The following DSCAML1 variants were observed in gnomAD, a reference collection of about 807,000 sequenced individuals.
DSCAML1 encodes the protein DS cell adhesion molecule like 1.
In DSCAML1, 38 loss-of-function variants were observed where a neutral mutation model predicts 200.5. The ratio of observed to expected loss-of-function variants is 0.19; its 90% CI spans 0.15 to 0.25. DSCAML1 has a LOEUF of 0.25. DSCAML1 is among the 10% of genes least tolerant of loss of function. DSCAML1 has a pLI of 1.00. For synonymous variants in DSCAML1, 1,215 were observed against 1,165.0 expected (o/e 1.04, Z -0.87); for missense variants, 2,223 against 2,858.8 (o/e 0.78, Z 5.07).
chr11:117,706,393 C>T (rs1454867510), intron 3 of DSCAML1, among the ~76,000 whole-genome samples: 2 of 152,204 alleles, frequency 1.3e-5, no homozygotes, highest in Non-Finnish European at 2.9e-5. Flanking sequence ...TCACTTCTAA[C>T]TTTCCCATGA....
chr11:117,440,006 G>A (rs575829445), intron 21 of DSCAML1, 70 bp from the exon 22 acceptor site: 9 of 1,361,878 alleles, frequency 6.6e-6, no homozygotes, highest in South Asian at 4.8e-5. Flanking sequence ...CCTTCCTTAG[G>A]GCCCCCTGGA....
chr11:117,620,817 G>A (rs2051913182), intron 3 of DSCAML1, among the ~76,000 whole-genome samples: 1 of 152,144 alleles, frequency 6.6e-6, no homozygotes, highest in Non-Finnish European at 1.5e-5. Context: ...GTGTGACCTT[G>A]GGCAAGTTAC....
intron 3 of DSCAML1, among the ~76,000 whole-genome samples, chr11:117,632,747 G>A (rs1441567725): frequency 6.6e-6 from 1 of 152,124 alleles, no homozygotes; most frequent in Non-Finnish European, 1.5e-5. Context: ...GCCCTGGAAG[G>A]GCTTTGATTT....
At chr11:117,588,468 A>G (rs2051193463) in intron 3 of DSCAML1, among the ~76,000 whole-genome samples, 1 of 152,220 alleles carries the variant, frequency 6.6e-6, no homozygotes, top group African/African-American at 2.4e-5. Context: ...AAACAAAGCC[A>G]TGTTGACAAA....
At position 117,438,000 on chromosome 11, in the gene DSCAML1, C is replaced by A; in HGVS notation, c.4327G>T (p.Asp1443Tyr). The change falls in exon 25 of 33, where the codon GAC becomes TAC. Residue 1443 changes from aspartate (D) to tyrosine (Y), a missense_variant. By Grantham distance (160) the Asp-to-Tyr change is radical. Coordinates refer to ENST00000651296, the MANE Select transcript of DSCAML1 (RefSeq NM_020693.4). This position sits in a 1 kb window ranked among gnomAD's most constrained non-coding sequence, Gnocchi z 5.3. ...ISSSERSFKL[D>Y]SLKCGTWYKV... Reference sequence around the variant, plus strand: ...TACCACGTGCCACACTTGAGGCTGTCCAGCTTGAAGGAGCGCTCGCTGGAG... The same window carrying A: ...TACCACGTGCCACACTTGAGGCTGTACAGCTTGAAGGAGCGCTCGCTGGAG... The A allele has an allele frequency of 6.2e-7, 1 of 1,614,152 alleles. No homozygotes were observed. The highest frequency in any genetic ancestry group is 1.7e-4 in the Middle Eastern group (1 of 6,058).
intron 16 of DSCAML1, among the ~76,000 whole-genome samples, chr11:117,468,373 A>G (rs148685501): frequency 2.0e-5 from 3 of 152,312 alleles, no homozygotes; most frequent in African/African-American, 7.2e-5. Context: ...CTGAAGTTCT[A>G]ACTTTCTAAT....
At chr11:117,566,377 T>C (rs2050757580) in intron 3 of DSCAML1, among the ~76,000 whole-genome samples, 2 of 148,382 alleles carry the variant, frequency 1.3e-5, no homozygotes, top group Non-Finnish European at 3.0e-5. Flanking sequence ...TTCTAGGGCC[T>C]TGCTCTGTTA....
intron 3 of DSCAML1, among the ~76,000 whole-genome samples, chr11:117,768,279 C>T (rs1452779259): frequency 1.3e-5 from 2 of 152,198 alleles, no homozygotes; most frequent in East Asian, 1.9e-4. Context: ...ATTAATACTA[C>T]ATCCTAGGCA....
chr11:117,512,586 G>T (rs1467974276), intron 8 of DSCAML1, among the ~76,000 whole-genome samples: 1 of 151,848 alleles, frequency 6.6e-6, no homozygotes, highest in African/African-American at 2.4e-5. Flanking sequence ...CTGGATTTCT[G>T]GGATTTTTTC....
Position 117,516,857 on chromosome 11 carries a change from G to C in DSCAML1, c.1511-118C>G. The C allele has an allele frequency of 7.8e-7, 1 of 1,279,720 alleles. No homozygotes were observed. The highest frequency in any genetic ancestry group is 1.1e-6 in the Non-Finnish European group (1 of 946,686). 79.3% of individuals were successfully genotyped at this position (1,279,720 alleles called of 1,614,324 possible). On this transcript the variant is annotated intron_variant, in intron 7 of 32. Transcript: ENST00000651296. The surrounding 1 kb of genome is among the most constrained non-coding windows in gnomAD (Gnocchi z 5.7). ...CAGGCACTCGGCCCCTGAGACTTTC[G>C]GGGGCGGACATTTGGTGGGGGCACA...
intron 3 of DSCAML1, among the ~76,000 whole-genome samples, chr11:117,718,960 G>C (rs1449156162): frequency 6.6e-6 from 1 of 152,164 alleles, no homozygotes; most frequent in East Asian, 1.9e-4. Flanking sequence ...AAAACTTAAA[G>C]GGAAGAGAGA....
intron 3 of DSCAML1, among the ~76,000 whole-genome samples, chr11:117,694,730 GA>G (rs1242549787): frequency 2.0e-5 from 3 of 152,238 alleles, no homozygotes; most frequent in African/African-American, 7.2e-5. Flanking sequence ...GAACCCAGGG[GA>G]AGGAGCCATC....
chr11:117,483,783 G>A (rs1365872573), intron 11 of DSCAML1, among the ~76,000 whole-genome samples: 1 of 152,152 alleles, frequency 6.6e-6, no homozygotes, highest in Non-Finnish European at 1.5e-5. Context: ...TTCTTCTCTG[G>A]GAAAATTTGC....
At chr11:117,698,863 G>A (rs866544922) in intron 3 of DSCAML1, among the ~76,000 whole-genome samples, 2 of 152,172 alleles carry the variant, frequency 1.3e-5, no homozygotes, top group Non-Finnish European at 2.9e-5. Flanking sequence ...CCCAGACAGC[G>A]GGATGCTCTG....
chr11:117,595,384 T>C (rs1297190231), intron 3 of DSCAML1, among the ~76,000 whole-genome samples: 1 of 152,186 alleles, frequency 6.6e-6, no homozygotes, highest in East Asian at 1.9e-4. Context: ...AGAGATAGAC[T>C]TGGTATATTT....
chr11:117,491,799 C>A (rs2137248382), intron 11 of DSCAML1, among the ~76,000 whole-genome samples: 1 of 152,170 alleles, frequency 6.6e-6, no homozygotes, highest in Admixed American at 6.5e-5. Flanking sequence ...CAAAAAACCC[C>A]ATGAATATCA....
intron 21 of DSCAML1, among the ~76,000 whole-genome samples, chr11:117,442,971 C>T (rs1256330328): frequency 2.0e-5 from 3 of 152,218 alleles, no homozygotes; most frequent in Non-Finnish European, 4.4e-5. Flanking sequence ...CGTAGGCCCT[C>T]GATCAGATGC....
intron 3 of DSCAML1, among the ~76,000 whole-genome samples, chr11:117,678,143 G>A (rs637454): frequency 0.71 from 107,910 of 152,056 alleles, 39,368 homozygotes; most frequent in East Asian, 0.83. Flanking sequence ...AGCTGCAGCC[G>A]CTAAGTACAA....
chr11:117,491,005 G>C (rs1253855159), intron 11 of DSCAML1, among the ~76,000 whole-genome samples: 1 of 152,216 alleles, frequency 6.6e-6, no homozygotes, highest in Non-Finnish European at 1.5e-5. Context: ...GGTGATTGGA[G>C]CTCAGCTGGT....
Sources: allele counts gnomAD v4.1 joint callset (sites outside exome capture counted in the v4.1 genomes callset), GRCh38; gene constraint gnomAD v4.1.1; non-coding constraint Gnocchi (gnomAD v3.1); transcripts MANE v1.5; gene names NCBI Gene and HGNC (gene_info 2026-07-23, HGNC 2026-07-21).